The following TRERF1 variants were observed in gnomAD, a reference collection of about 807,000 sequenced individuals.
TRERF1 encodes transcriptional-regulating factor 1.
TRERF1 carries 27 observed loss-of-function variants against 122.9 expected under a neutral mutation model. That is an observed-to-expected ratio of 0.22 (90% CI 0.16 to 0.30). TRERF1 has a LOEUF of 0.30. Ranked by LOEUF, TRERF1 falls within the 10% of genes least tolerant of loss-of-function variation. TRERF1 has a pLI of 1.00. For missense variants in TRERF1, 1,248 were observed against 1,560.3 expected (o/e 0.80, Z 3.37); for synonymous variants, 636 against 641.7 (o/e 0.99, Z 0.13).
At chr6:42,405,808 T>A (rs184505088) in intron 2 of TRERF1, among the ~76,000 whole-genome samples, 23,641 of 142,646 alleles carry the variant, frequency 0.17, 2,288 homozygotes, top group African/African-American at 0.3. Context: ...AAAAAAAAAA[T>A]TAAAAAAATT....
Position 42,228,741 on chromosome 6 carries a change from CG to C in TRERF1, c.3279-73del. The C allele has an allele frequency of 6.9e-7, 1 of 1,459,742 alleles. No homozygotes were observed. Among genetic ancestry groups the C allele is most frequent in the Non-Finnish European group, 9.2e-7 (1 of 1,086,070 alleles). 90.4% of individuals were successfully genotyped at this position (1,459,742 alleles called of 1,614,324 possible). A position where few individuals can be genotyped will look rare whatever the true frequency, so the allele number is the denominator to read the frequency against. ...AGTTCTTGGAAATCCAGGTGTCCTA[CG>C]GGGAATGGGGGTGTGTGGTCTGACA... is the stretch of plus-strand genomic sequence containing the variant. On this transcript the variant is annotated intron_variant, in intron 17 of 17. Transcript: ENST00000372922. This position sits in a 1 kb window ranked among gnomAD's most constrained non-coding sequence, Gnocchi z 4.2.
chr6:42,311,189 G>A (rs1475956125), intron 3 of TRERF1, among the ~76,000 whole-genome samples: 2 of 152,226 alleles, frequency 1.3e-5, no homozygotes, highest in Non-Finnish European at 2.9e-5. Context: ...GCAGGCATGT[G>A]TGCAATGTCA....
chr6:42,233,325 A>G (rs571233543), intron 16 of TRERF1, among the ~76,000 whole-genome samples: 84 of 132,542 alleles, frequency 6.3e-4, no homozygotes, highest in African/African-American at 2.0e-3. Context: ...TCGCTCTGTC[A>G]CCCAGGCTGG....
At chr6:42,317,511 TC>T (rs1158443997) in intron 3 of TRERF1, among the ~76,000 whole-genome samples, 1 of 151,724 alleles carries the variant, frequency 6.6e-6, no homozygotes, top group Non-Finnish European at 1.5e-5. Flanking sequence ...CGCACCATTA[TC>T]CCCGGCTAAT....
At chr6:42,330,202 C>T (rs953668918) in intron 3 of TRERF1, among the ~76,000 whole-genome samples, 1 of 152,064 alleles carries the variant, frequency 6.6e-6, no homozygotes, top group African/African-American at 2.4e-5. Context: ...CATGAACACA[C>T]AAGAAATAGT....
intron 4 of TRERF1, among the ~76,000 whole-genome samples, chr6:42,297,324 GAAAAGACC>G (rs1486777203): frequency 6.6e-6 from 1 of 152,190 alleles, no homozygotes; most frequent in Non-Finnish European, 1.5e-5. Context: ...TAGTACAAAT[GAAAAGACC>G]AAAACAAACC....
intron 3 of TRERF1, among the ~76,000 whole-genome samples, chr6:42,319,625 T>C (rs980322859): frequency 3.3e-5 from 5 of 151,998 alleles, no homozygotes; most frequent in African/African-American, 9.7e-5. Flanking sequence ...AGTTCGAAAC[T>C]AGGCTGAACA....
intron 2 of TRERF1, among the ~76,000 whole-genome samples, chr6:42,364,527 T>A (rs563732568): frequency 1.3e-5 from 2 of 152,312 alleles, no homozygotes; most frequent in Admixed American, 6.5e-5. Flanking sequence ...CTTTGTATGA[T>A]GGAATCAAAG....
At chr6:42,260,707 G>A (rs1458923079) in intron 8 of TRERF1, among the ~76,000 whole-genome samples, 1 of 152,116 alleles carries the variant, frequency 6.6e-6, no homozygotes, top group Non-Finnish European at 1.5e-5. Flanking sequence ...CACAGCTGCA[G>A]GTCCTGGAGA....
chr6:42,396,961 C>G (rs1778698556), intron 2 of TRERF1, among the ~76,000 whole-genome samples: 1 of 152,218 alleles, frequency 6.6e-6, no homozygotes. Flanking sequence ...CCCCTTGGGC[C>G]ACCCTTGCAG....
chr6:42,395,219 A>C (rs2131426), intron 2 of TRERF1, among the ~76,000 whole-genome samples: 117,362 of 152,132 alleles, frequency 0.77, 49,521 homozygotes, highest in Non-Finnish European at 0.94. Context: ...GACTAACTAA[A>C]AGGAGCGCTA....
chr6:42,398,480 T>C (rs965126058), intron 2 of TRERF1, among the ~76,000 whole-genome samples: 2 of 152,176 alleles, frequency 1.3e-5, no homozygotes, highest in African/African-American at 4.8e-5. Context: ...AATGCCATCT[T>C]TGCATCTCTC....
intron 2 of TRERF1, among the ~76,000 whole-genome samples, chr6:42,398,645 T>C (rs890017832): frequency 3.3e-5 from 5 of 152,180 alleles, no homozygotes; most frequent in Non-Finnish European, 7.3e-5. Flanking sequence ...CCCCAAACCT[T>C]CTGGGCCTGG....
intron 13 of TRERF1, among the ~76,000 whole-genome samples, chr6:42,254,167 C>T (rs1011770198): frequency 6.6e-6 from 1 of 152,148 alleles, no homozygotes; most frequent in African/African-American, 2.4e-5. Context: ...AATTCACATA[C>T]AAAACCCTGC....
intron 4 of TRERF1, among the ~76,000 whole-genome samples, chr6:42,281,412 A>C (rs1170735382): frequency 6.6e-6 from 1 of 152,170 alleles, no homozygotes; most frequent in African/African-American, 2.4e-5. Context: ...AAACAATACT[A>C]GATATCCAGT....
At chr6:42,278,716 G>A (rs761799877) in intron 4 of TRERF1, among the ~76,000 whole-genome samples, 5 of 152,190 alleles carry the variant, frequency 3.3e-5, no homozygotes, top group African/African-American at 4.8e-5. Context: ...GGACACAGGA[G>A]CATCAAAACA....
intron 4 of TRERF1, among the ~76,000 whole-genome samples, chr6:42,271,595 A>ACC (rs558428435): frequency 6.6e-6 from 1 of 150,594 alleles, no homozygotes; most frequent in African/African-American, 2.4e-5. Context: ...TTAAAAAGTC[A>ACC]CCCCCCCCAA....
chr6:42,281,405 C>T (rs1401053658), intron 4 of TRERF1, among the ~76,000 whole-genome samples: 1 of 152,076 alleles, frequency 6.6e-6, no homozygotes, highest in African/African-American at 2.4e-5. Flanking sequence ...ATTTTTCAAA[C>T]AATACTAGAT....
chr6:42,254,255 G>A (rs866399917), intron 13 of TRERF1, among the ~76,000 whole-genome samples: 14 of 152,276 alleles, frequency 9.2e-5, no homozygotes, highest in South Asian at 8.3e-4. Flanking sequence ...GCTGCACGAC[G>A]TAGGACTCTG....
Sources: allele counts gnomAD v4.1 joint callset (sites outside exome capture counted in the v4.1 genomes callset), GRCh38; gene constraint gnomAD v4.1.1; non-coding constraint Gnocchi (gnomAD v3.1); transcripts MANE v1.5; gene names NCBI Gene and HGNC (gene_info 2026-07-23, HGNC 2026-07-21).